Variants in MCFD2 observed in about 807,000 individuals in gnomAD.
The protein encoded by MCFD2 is multiple coagulation factor deficiency protein 2.
In MCFD2, 11 loss-of-function variants were observed where a neutral mutation model predicts 12.8. That is an observed-to-expected ratio of 0.86 (90% confidence interval 0.54 to 1.42). The LOEUF is 1.42. Among genes scored for constraint, MCFD2 ranks in the 40% most tolerant of loss-of-function variants. The pLI, the probability that MCFD2 is intolerant of heterozygous loss-of-function variation, is 0.00. For missense variants in MCFD2, 191 were observed against 178.6 expected, an observed-to-expected ratio of 1.07 and a Z score of -0.40; for synonymous variants, 70 against 68.1, an observed-to-expected ratio of 1.03 and a Z score of -0.14.
chr2:46,915,667 C>G (rs1668714181), intron 1 of MCFD2, 56 bp downstream of exon 1: 1 of 682,418 alleles, frequency 1.5e-6, no homozygotes. Flanking sequence ...AGCCTCCAGC[C>G]CACAGGAGAG....
At chr2:46,939,790 C>G (rs1314655595) in intron 1 of MCFD2, among the ~76,000 whole-genome samples, 1 of 152,206 alleles carries the variant, frequency 6.6e-6, no homozygotes, top group African/African-American at 2.4e-5. Context: ...TGGTGACCAT[C>G]AAAGGCAGCC....
At chr2:46,931,247 TA>T (rs200943196) in intron 1 of MCFD2, among the ~76,000 whole-genome samples, 3 of 152,172 alleles carry the variant, frequency 2.0e-5, no homozygotes, top group Non-Finnish European at 4.4e-5. Flanking sequence ...CCTAGCTAAT[TA>T]AAAAAAATTT....
Position 46,909,064 on chromosome 2 carries a change from G to T in MCFD2, c.108C>A (p.Pro36=), listed in dbSNP as rs767456045. The T allele has an allele frequency of 3.1e-6, 5 of 1,614,094 alleles. No homozygotes were observed. Among genetic ancestry groups the T allele is most frequent in the African/African-American group, 1.3e-5 (1 of 74,916 alleles). ...TGTTCTTATCCAGGCCCATGCTGCC[G>T]GGTTGGGAGAAGCTGGCTGCAGGCT... is the stretch of plus-strand genomic sequence containing the variant. ...AEEPAASFSQ[P]GSMGLDKNTV... The change falls in exon 2 of 4, where the codon CCC becomes CCA. Residue 36 remains proline, a synonymous_variant. Coordinates refer to ENST00000319466, the MANE Select transcript of MCFD2 (RefSeq NM_139279.6).
At position 46,908,241 on chromosome 2, in the gene MCFD2, A is replaced by G. The variant is rs918231906; in HGVS notation, c.150-272T>C. On this transcript the variant is annotated intron_variant, in intron 2 of 3. Transcript: ENST00000319466. This position sits in a 1 kb window ranked among gnomAD's most constrained non-coding sequence, Gnocchi z 4.5. ...TTGTTATAACATTTTCAGGCCATCA[A>G]TTTAAAAATATGTCCTTTAAAACTT... 1.4e-5 allele frequency: 7 copies of G among 493,320 alleles called. No homozygotes were observed. Among genetic ancestry groups the G allele is most frequent in the South Asian group, 2.1e-5 (1 of 46,676 alleles). 30.6% of individuals were successfully genotyped at this position (493,320 alleles called of 1,614,324 possible).
chr2:46,906,126 G>C (rs1039130887), intron 3 of MCFD2: 1 of 403,492 alleles, frequency 2.5e-6, no homozygotes. Flanking sequence ...AGTGGGCTGA[G>C]GCTGTTCACA....
In MCFD2 at chr2:46,936,949, G is replaced by T. The variant is rs1670009514; in HGVS notation, c.-8+4623C>A. On this transcript the variant is annotated intron_variant, in intron 1 of 2. Transcript: ENST00000409147. The stretch of plus-strand genomic sequence containing the variant: ...AGCTCACTGCAACCTCTGCCTCCTG[G>T]GCTCAAGCGATCCTCCCACCTCAGC... Among the ~76,000 whole-genome samples the T allele has an allele frequency of 2.0e-5, 3 of 151,820 alleles. No individual in the cohort carries two copies. The South Asian group carries it at 6.2e-4, about 32-fold the overall frequency.
chr2:46,917,150 C>T, upstream of MCFD2: 1 of 700,732 alleles, frequency 1.4e-6, no homozygotes. Context: ...GAGAAAAATC[C>T]CATAATCCCT....
At position 46,905,108 on chromosome 2, in the gene MCFD2, C is replaced by G; in HGVS notation, c.*355G>C. 3.0e-6 allele frequency: 1 copy of G among 337,010 alleles called. No homozygotes were observed. Among genetic ancestry groups the G allele is most frequent in the African/African-American group, 2.1e-5 (1 of 46,586 alleles). The allele number at this position is 337,010 out of a possible 1,614,324, so 20.9% of individuals were successfully genotyped here. ...CATGTAAGAAGTGCCTTTCACCTCC[C>G]GCCATGATTCTGAGGCCTCCCCAGC... On this transcript the variant is annotated 3_prime_UTR_variant, in exon 4 of 4. Coordinates refer to ENST00000319466, the MANE Select transcript of MCFD2 (RefSeq NM_139279.6).
intron 1 of MCFD2, among the ~76,000 whole-genome samples, chr2:46,927,897 T>G (rs913579176): frequency 7.6e-6 from 1 of 131,286 alleles, no homozygotes; most frequent in African/African-American, 2.9e-5. Context: ...TTTTTTTTTT[T>G]TTTTTTTTTT....
At chr2:46,909,275 AG>A in intron 1 of MCFD2, 98 bp from the exon 2 acceptor site, 1 of 1,385,638 alleles carries the variant, frequency 7.2e-7, no homozygotes, top group Non-Finnish European at 1.0e-6. Flanking sequence ...CTGATGAAGC[AG>A]TAAGGTTAGG....
At chr2:46,928,769 GA>G (rs879845279) in intron 1 of MCFD2, among the ~76,000 whole-genome samples, 42 of 133,308 alleles carry the variant, frequency 3.2e-4, no homozygotes, top group East Asian at 1.3e-3. Context: ...TGTTTCAAAA[GA>G]AAAAAAAAAA....
At chr2:46,921,238 C>T (rs1398246494) in intron 1 of MCFD2, among the ~76,000 whole-genome samples, 2 of 152,122 alleles carry the variant, frequency 1.3e-5, no homozygotes, top group African/African-American at 4.8e-5. Context: ...TATCTTTATT[C>T]ACAGATAATA....
chr2:46,922,297 A>C (rs1239127721), intron 1 of MCFD2, among the ~76,000 whole-genome samples: 1 of 152,044 alleles, frequency 6.6e-6, no homozygotes, highest in African/African-American at 2.4e-5. Flanking sequence ...TATTTCCTTG[A>C]GCGTTTTTAT....
intron 1 of MCFD2, among the ~76,000 whole-genome samples, chr2:46,931,327 C>T (rs866967960): frequency 6.6e-6 from 1 of 152,390 alleles, no homozygotes. Flanking sequence ...CTCAAGCAAT[C>T]CTCTCGCCTC....
Position 46,903,812 on chromosome 2 carries a change from A to G in MCFD2, c.*1651T>C, listed in dbSNP as rs1668106865. Reference sequence around the variant, plus strand: ...GGGAAGCAAAGCATAAAAGTTTGGAAATTTGCAGCCTGACTATGCAATAGA... The same window carrying G: ...GGGAAGCAAAGCATAAAAGTTTGGAGATTTGCAGCCTGACTATGCAATAGA... On this transcript the variant is annotated 3_prime_UTR_variant, in exon 4 of 4. Transcript: ENST00000319466. 1 of 152,192 alleles carries G rather than the reference A, an allele frequency of 6.6e-6. No homozygotes were observed. The highest frequency in any genetic ancestry group is 6.5e-5 in the Admixed American group (1 of 15,288). 9.4% of individuals were successfully genotyped at this position (152,192 alleles called of 1,614,324 possible). A position where few individuals can be genotyped will look rare whatever the true frequency, so the allele number is the denominator to read the frequency against.
At chr2:46,936,121 A>G (rs1038165976) in intron 1 of MCFD2, among the ~76,000 whole-genome samples, 1 of 152,094 alleles carries the variant, frequency 6.6e-6, no homozygotes, top group Non-Finnish European at 1.5e-5. Context: ...AGAAATAAAT[A>G]TATTTGCTTA....
At chr2:46,920,628 G>T (rs2103800637), upstream of MCFD2, among the ~76,000 whole-genome samples, 1 of 150,242 alleles carries the variant, frequency 6.7e-6, no homozygotes, top group South Asian at 2.1e-4. Context: ...ACCATGCCTG[G>T]CCTTAGTCTT....
chr2:46,938,992 C>T (rs897482690), intron 1 of MCFD2, among the ~76,000 whole-genome samples: 116 of 139,290 alleles, frequency 8.3e-4, no homozygotes, highest in African/African-American at 2.9e-3. Flanking sequence ...GCCTGGGCAA[C>T]AGAGCGAGAC....
rs1365390135 is a variant in MCFD2, at chr2:46,908,278, T to G, written c.150-309A>C. On this transcript the variant is annotated intron_variant, in intron 2 of 3. Coordinates refer to ENST00000319466, the MANE Select transcript of MCFD2 (RefSeq NM_139279.6). This position sits in a 1 kb window ranked among gnomAD's most constrained non-coding sequence, Gnocchi z 4.5. The stretch of plus-strand genomic sequence containing the variant: ...GTCCTTTAAAACTTTTTTTTTTTTT[T>G]GAGACAGGGTCTCACTCTGCCACCC... 2 of 372,824 alleles carry G rather than the reference T, an allele frequency of 5.4e-6. No homozygotes were observed. The highest frequency in any genetic ancestry group is 1.3e-4 in the East Asian group (2 of 15,166). 23.1% of individuals were successfully genotyped at this position (372,824 alleles called of 1,614,324 possible).
Sources: allele counts gnomAD v4.1 joint callset (sites outside exome capture counted in the v4.1 genomes callset), GRCh38; gene constraint gnomAD v4.1.1; non-coding constraint Gnocchi (gnomAD v3.1); transcripts MANE v1.5; gene names NCBI Gene and HGNC (gene_info 2026-07-23, HGNC 2026-07-21).